GPNMB: variants seen among roughly 807,000 people sequenced by gnomAD.
GPNMB encodes the protein glycoprotein nmb, also known as transmembrane glycoprotein NMB.
A neutral mutation model predicts 57.3 loss-of-function variants in GPNMB; 71 were observed. The ratio of observed to expected loss-of-function variants is 1.24; its 90% CI spans 1.02 to 1.51. GPNMB has a LOEUF of 1.51. Ranked by LOEUF, GPNMB falls within the 40% of genes most tolerant of loss-of-function variation. The probability of loss-of-function intolerance (pLI) is 0.00; values close to 1 mark genes in which losing one functional copy is unlikely to be tolerated. For missense variants in GPNMB, 677 were observed against 691.9 expected (o/e 0.98, Z 0.24); for synonymous variants, 253 against 263.2 (o/e 0.96, Z 0.38).
intron 7 of GPNMB, among the ~76,000 whole-genome samples, 167 bp downstream of exon 7, chr7:23,266,782 T>C (rs1783074306): frequency 6.6e-6 from 1 of 152,136 alleles, no homozygotes; most frequent in African/African-American, 2.4e-5. Context: ...CATTTCTAGA[T>C]TCCCACCTGC....
In GPNMB at chr7:23,257,026, T is replaced by G. The variant is rs755032435; in HGVS notation, c.502T>G (p.Trp168Gly). The G allele has an allele frequency of 7.4e-6, 12 of 1,614,196 alleles. No homozygotes were observed. Among genetic ancestry groups the G allele is most frequent in the Non-Finnish European group, 1.0e-5 (12 of 1,179,988 alleles). ...GAAACCTTTTCCTCACCACCCCGGA[T>G]GGAGAAGATGGAATTTCATCTACGT... is the stretch of plus-strand genomic sequence containing the variant. ...DGKPFPHHPGWRRWNFIYVFH... is the reference protein window; with the variant it reads ...DGKPFPHHPGGRRWNFIYVFH... Residue 168 changes from tryptophan (W) to glycine (G), a missense_variant, in exon 4 of 11, where the codon TGG becomes GGG. By Grantham distance (184) the Trp-to-Gly change is radical. Coordinates refer to ENST00000258733, the MANE Select transcript of GPNMB (RefSeq NM_002510.3).
chr7:23,255,670 C>T (rs917053692), intron 3 of GPNMB, among the ~76,000 whole-genome samples: 4 of 152,130 alleles, frequency 2.6e-5, no homozygotes, highest in African/African-American at 9.7e-5. Flanking sequence ...TTCCCACCAA[C>T]AGTGATATAC....
chr7:23,268,315 A>G (rs746201106), intron 8 of GPNMB, among the ~76,000 whole-genome samples: 2 of 152,182 alleles, frequency 1.3e-5, no homozygotes, highest in South Asian at 2.1e-4. Context: ...GAGCCTCCCC[A>G]TTTTGCAGAT....
rs1384120180 is a variant in GPNMB, at chr7:23,256,997, A to G, written c.473A>G (p.Asp158Gly). ...CAAAGCCATCATAACGTCTTCCCTG[A>G]TGGGAAACCTTTTCCTCACCACCCC... is the stretch of plus-strand genomic sequence containing the variant. ...TGQSHHNVFP[D>G]GKPFPHHPGW... The change falls in exon 4 of 11, where the codon GAT (aspartate) becomes GGT (glycine). Residue 158 changes from aspartate (D) to glycine (G), a missense_variant. By Grantham distance (94) the Asp-to-Gly change is moderately conservative. Transcript: ENST00000258733. The G allele has an allele frequency of 6.2e-7, 1 of 1,614,012 alleles. No individual in the cohort carries two copies. Among genetic ancestry groups the G allele is most frequent in the Non-Finnish European group, 8.5e-7 (1 of 1,179,834 alleles).
chr7:23,251,712 T>C (rs1248983794), intron 1 of GPNMB, among the ~76,000 whole-genome samples: 2 of 152,182 alleles, frequency 1.3e-5, no homozygotes, highest in Non-Finnish European at 1.5e-5. Flanking sequence ...ATTGAGTTTG[T>C]TCTCACATAT....
chr7:23,269,849 A>G, intron 8 of GPNMB, 118 bp from the exon 9 acceptor site: 2 of 725,908 alleles, frequency 2.8e-6, no homozygotes, highest in Non-Finnish European at 2.4e-6. Flanking sequence ...TTGAGTAACA[A>G]TGAGGTGGAA....
intron 4 of GPNMB, among the ~76,000 whole-genome samples, chr7:23,258,399 G>C (rs903324766): frequency 2.6e-5 from 4 of 152,144 alleles, no homozygotes; most frequent in South Asian, 2.1e-4. Flanking sequence ...TTGCCTTAAA[G>C]CTAACTTATT....
At chr7:23,256,280 T>C (rs1470691804) in intron 3 of GPNMB, among the ~76,000 whole-genome samples, 1 of 152,254 alleles carries the variant, frequency 6.6e-6, no homozygotes, top group African/African-American at 2.4e-5. Context: ...TCAACAATTT[T>C]AGCACTTTGT....
chr7:23,269,513 A>G (rs1365963536), intron 8 of GPNMB, among the ~76,000 whole-genome samples: 1 of 152,264 alleles, frequency 6.6e-6, no homozygotes, highest in Non-Finnish European at 1.5e-5. Context: ...AGTGCCCGGC[A>G]CATAATAAGT....
At chr7:23,259,747 CT>C (rs1223847674) in intron 4 of GPNMB, among the ~76,000 whole-genome samples, 2 of 152,100 alleles carry the variant, frequency 1.3e-5, no homozygotes, top group Non-Finnish European at 2.9e-5. Flanking sequence ...CACTAAACAG[CT>C]TTTTAAATTT....
rs200247677 is a variant in GPNMB at position 23,254,171 on chromosome 7, G to T, written c.226G>T (p.Gly76Cys). The T allele has an allele frequency of 1.3e-4, 214 of 1,611,980 alleles. No homozygotes were observed. The highest frequency in any genetic ancestry group is 5.0e-4 in the South Asian group (45 of 90,738). ...DMRWKNSWKG[G>C]RVQAVLTSDS... ...AGCCCCACTTTTTTATACCCTAGGA[G>T]GCCGTGTGCAGGCGGTCCTGACCAG... The change falls in exon 3 of 11, where the codon GGC becomes TGC. Residue 76 changes from glycine to cysteine, a missense_variant and splice_region_variant. Physicochemically the swap from Gly to Cys is radical, Grantham distance 159. Coordinates refer to ENST00000258733, the MANE Select transcript of GPNMB (RefSeq NM_002510.3).
chr7:23,248,795 A>G (rs886407069), intron 1 of GPNMB, among the ~76,000 whole-genome samples: 1 of 149,624 alleles, frequency 6.7e-6, no homozygotes, highest in South Asian at 2.1e-4. Context: ...TTTTTAATCA[A>G]TTTTTTTAGA....
At chr7:23,251,534 C>T (rs1035900636) in intron 1 of GPNMB, among the ~76,000 whole-genome samples, 2 of 152,142 alleles carry the variant, frequency 1.3e-5, no homozygotes, top group African/African-American at 2.4e-5. Flanking sequence ...AGCAACAGCC[C>T]AACAGTTTCA....
intron 6 of GPNMB, among the ~76,000 whole-genome samples, chr7:23,262,700 C>A: frequency 1.5e-5 from 2 of 137,594 alleles, no homozygotes; most frequent in East Asian, 5.0e-4. Flanking sequence ...CTCACTGCAA[C>A]CTCCACCTCC....
In GPNMB at chr7:23,274,333, G is replaced by A; in HGVS notation, c.*109G>A. ...AGATTATTGTTAAATAGATATTGTG[G>A]TTTGGGGAAGTTGAATTTTTTATAG... On this transcript the variant is annotated 3_prime_UTR_variant, in exon 11 of 11. Transcript: ENST00000258733. The A allele has an allele frequency of 1.2e-6, 1 of 816,462 alleles. No individual in the cohort carries two copies. Among genetic ancestry groups the A allele is most frequent in the African/African-American group, 1.7e-5 (1 of 57,808 alleles). The allele number at this position is 816,462 out of a possible 1,614,324, so 50.6% of individuals were successfully genotyped here.
intron 4 of GPNMB, chr7:23,257,851 AC>A (rs1204283481): frequency 6.6e-6 from 1 of 152,194 alleles, no homozygotes; most frequent in Non-Finnish European, 1.5e-5. Context: ...CATAATTAAT[AC>A]CAGAGATTAT....
At chr7:23,261,133 T>C (rs2128483093) in intron 6 of GPNMB, among the ~76,000 whole-genome samples, 1 of 152,336 alleles carries the variant, frequency 6.6e-6, no homozygotes, top group African/African-American at 2.4e-5. Flanking sequence ...ACTGGCTCCT[T>C]ATACGATCAG....
intron 9 of GPNMB, among the ~76,000 whole-genome samples, chr7:23,271,497 CA>C (rs1425964465): frequency 6.6e-6 from 1 of 152,048 alleles, no homozygotes; most frequent in African/African-American, 2.4e-5. Flanking sequence ...AACAAACAAA[CA>C]AAAACACATA....
At chr7:23,263,259 G>A (rs977926611) in intron 6 of GPNMB, among the ~76,000 whole-genome samples, 1 of 152,148 alleles carries the variant, frequency 6.6e-6, no homozygotes, top group Middle Eastern at 3.4e-3. Context: ...TATATTTGAA[G>A]CCAATGAAAA....
Sources: allele counts gnomAD v4.1 joint callset (sites outside exome capture counted in the v4.1 genomes callset), GRCh38; gene constraint gnomAD v4.1.1; transcripts MANE v1.5; gene names NCBI Gene and HGNC (gene_info 2026-07-23, HGNC 2026-07-21).